The following ICE2 variants were observed in gnomAD, a reference collection of about 807,000 sequenced individuals.
ICE2 encodes little elongation complex subunit 2.
ICE2 carries 87 observed loss-of-function variants against 105.4 expected under a neutral mutation model. The observed-to-expected ratio is 0.83, with a 90% CI of 0.69 to 0.99. ICE2 has a LOEUF of 0.99. ICE2 is among the 50% of genes least tolerant of loss of function. ICE2 has a pLI of 0.00. For synonymous variants in ICE2, 399 were observed against 392.0 expected (o/e 1.02, Z -0.21); for missense variants, 1,323 against 1,146.7 (o/e 1.15, Z -2.22).
At chr15:60,445,439 G>T in intron 11 of ICE2, 1 of 322,682 alleles carries the variant, frequency 3.1e-6, no homozygotes, top group Non-Finnish European at 4.5e-6. Flanking sequence ...ATAATTCCAA[G>T]GGGCATACAT....
intron 5 of ICE2, among the ~76,000 whole-genome samples, chr15:60,459,386 A>C (rs2064211817): frequency 6.6e-6 from 1 of 152,234 alleles, no homozygotes; most frequent in Non-Finnish European, 1.5e-5. Context: ...GAAAAAAGGT[A>C]ACTGCCAACT....
intron 5 of ICE2, among the ~76,000 whole-genome samples, chr15:60,462,525 A>C (rs2064307628): frequency 6.6e-6 from 1 of 152,204 alleles, no homozygotes; most frequent in Non-Finnish European, 1.5e-5. Flanking sequence ...AAATAAATAT[A>C]TACAATTTTA....
chr15:60,476,274 C>T lies in ICE2; in HGVS notation c.42-107G>A, dbSNP rs550071260. 2.1e-4 allele frequency: 137 copies of T among 665,822 alleles called. 1 individual carries two copies. Among genetic ancestry groups the T allele is most frequent in the South Asian group, 2.0e-3 (114 of 56,684 alleles). 41.2% of individuals were successfully genotyped at this position (665,822 alleles called of 1,614,324 possible). On this transcript the variant is annotated intron_variant, in intron 2 of 15. Transcript: ENST00000261520. ...TTACAATTTCATACCTTCTTACCCC[C>T]CCATCCCCAGACAATCTCTTCTTAC... is the stretch of plus-strand genomic sequence containing the variant.
In ICE2 at chr15:60,448,922, T is replaced by C. The variant is rs2063890467; in HGVS notation, c.2045A>G (p.Gln682Arg). The C allele has an allele frequency of 6.2e-7, 1 of 1,613,810 alleles. No homozygotes were observed. Among genetic ancestry groups the C allele is most frequent in the Non-Finnish European group, 8.5e-7 (1 of 1,179,868 alleles). ...AGAGGAGTCTGAAGGACCAGACAAT[T>C]GCTCAGAAACAGAAGGCTGTTTAGA... ...ENSKQPSVSE[Q>R]LSGPSDSSSW... Residue 682 changes from glutamine to arginine, a missense_variant, in exon 10 of 16, where the codon CAA becomes CGA. Gln to Arg is a conservative substitution (Grantham distance 43, BLOSUM62 1). Coordinates refer to ENST00000261520, the MANE Select transcript of ICE2 (RefSeq NM_024611.6).
chr15:60,423,724 A>T lies in ICE2; in HGVS notation c.2859T>A (p.Asn953Lys), dbSNP rs770675849. The T allele has an allele frequency of 6.2e-7, 1 of 1,603,898 alleles. No homozygotes were observed. The highest frequency in any genetic ancestry group is 8.5e-7 in the Non-Finnish European group (1 of 1,177,274). Residue 953 changes from asparagine to lysine, a missense_variant, in exon 16 of 16, where the codon AAT becomes AAA. Asn to Lys is a moderately conservative substitution (Grantham distance 94). Transcript: ENST00000261520. ...TGCTTTTGGTTTCCATGGAAACTGG[A>T]TTCCTGTGGCTGCGTGTAGGCATTC... ...GTRMPTRSHR[N>K]PVSMETKSSC...
rs779336580 is a variant in ICE2, at chr15:60,428,589, T to C, written c.2660A>G (p.Asn887Ser). 3.7e-6 allele frequency: 6 copies of C among 1,614,076 alleles called. No homozygotes were observed. The highest frequency in any genetic ancestry group is 1.1e-5 in the South Asian group (1 of 91,078). ...SDGKVTRTAYNLYKTHCGLPG... is the reference protein window; with the variant it reads ...SDGKVTRTAYSLYKTHCGLPG... ...AAGGCCGCAATGTGTTTTATACAAA[T>C]TGTATGCTGTCCTAGTAACTTTTCC... is the stretch of plus-strand genomic sequence containing the variant. Residue 887 changes from asparagine to serine, a missense_variant, in exon 15 of 16, where the codon AAT becomes AGT. Coordinates refer to ENST00000261520, the MANE Select transcript of ICE2 (RefSeq NM_024611.6).
intron 5 of ICE2, among the ~76,000 whole-genome samples, chr15:60,465,811 C>T (rs537294373): frequency 6.8e-6 from 1 of 146,058 alleles, no homozygotes; most frequent in South Asian, 2.1e-4. Flanking sequence ...ACTGCAATGG[C>T]ACAATCTTAG....
rs1409541372 is a variant in ICE2 at position 60,456,804 on chromosome 15, A to G, written c.529-10T>C. 2 of 1,443,918 alleles carry G rather than the reference A, an allele frequency of 1.4e-6. No individual in the cohort carries two copies. The highest frequency in any genetic ancestry group is 1.8e-6 in the Non-Finnish European group (2 of 1,082,826). 89.4% of individuals were successfully genotyped at this position (1,443,918 alleles called of 1,614,324 possible). A position where few individuals can be genotyped will look rare whatever the true frequency, so the allele number is the denominator to read the frequency against. On this transcript the variant is annotated splice_polypyrimidine_tract_variant and intron_variant, in intron 5 of 15. Coordinates refer to ENST00000261520, the MANE Select transcript of ICE2 (RefSeq NM_024611.6). ...AAGCTCTTAAAATTTTCTGAGAAAC[A>G]GAAATTAAGAAAAATTCATTTGTAT...
chr15:60,452,832 G>A (rs1477631735), intron 9 of ICE2: 2 of 980,054 alleles, frequency 2.0e-6, no homozygotes, highest in African/African-American at 3.5e-5. Context: ...TATGTAATCT[G>A]CCCGAGGTCA....
rs1371538524 is a variant in ICE2 at position 60,479,098 on chromosome 15, A to G, written c.-188T>C. 1 of 441,906 alleles carries G rather than the reference A, an allele frequency of 2.3e-6. No homozygotes were observed. The highest frequency in any genetic ancestry group is 4.6e-6 in the Non-Finnish European group (1 of 216,436). 27.4% of individuals were successfully genotyped at this position (441,906 alleles called of 1,614,324 possible). The stretch of plus-strand genomic sequence containing the variant: ...TTGTCGCGCGCGCCCAAAAAAGACC[A>G]TATTTAAAGGATGTGGCCGCGCCGA... On this transcript the variant is annotated 5_prime_UTR_variant, in exon 1 of 16. An upstream start codon of the reference 5' UTR is lost. Coordinates refer to ENST00000261520, the MANE Select transcript of ICE2 (RefSeq NM_024611.6).
chr15:60,451,109 T>C (rs1380445141), intron 9 of ICE2: 8 of 786,556 alleles, frequency 1.0e-5, no homozygotes, highest in Admixed American at 6.3e-5. Flanking sequence ...GGTCATAAAT[T>C]TTTATTGTAC....
At chr15:60,441,426 G>A (rs761865612) in intron 12 of ICE2, 2 of 152,072 alleles carry the variant, frequency 1.3e-5, no homozygotes, top group Non-Finnish European at 2.9e-5. Flanking sequence ...CACCCTCATA[G>A]GATTTATTAC....
At chr15:60,446,982 CTTTA>C (rs1175152295) in intron 11 of ICE2, among the ~76,000 whole-genome samples, 1 of 152,038 alleles carries the variant, frequency 6.6e-6, no homozygotes, top group African/African-American at 2.4e-5. Context: ...AGAAGATTCC[CTTTA>C]TTTACCAGAA....
At chr15:60,477,741 C>T (rs2064805676) in intron 2 of ICE2, among the ~76,000 whole-genome samples, 196 bp downstream of exon 2, 1 of 152,170 alleles carries the variant, frequency 6.6e-6, no homozygotes, top group African/African-American at 2.4e-5. Flanking sequence ...TGTTGTTCCA[C>T]TATAGGAGTG....
rs1234712673 is a variant in ICE2, at chr15:60,436,196, A to T, written c.2457T>A (p.Phe819Leu). 6.8e-7 allele frequency: 1 copy of T among 1,467,154 alleles called. No individual in the cohort carries two copies. Among genetic ancestry groups the T allele is most frequent in the African/African-American group, 1.5e-5 (1 of 68,768 alleles). The allele number at this position is 1,467,154 out of a possible 1,614,324, so 90.9% of individuals were successfully genotyped here. Reference protein sequence around the residue: ...GHIDAFTSKLFLLEEITSEEL... With the variant: ...GHIDAFTSKLLLLEEITSEEL... Reference sequence around the variant, plus strand: ...CTTCTGAGGTAATTTCTTCCAGTAGAAAAAGTTTTGAAGTAAATGCATCGA... The same window carrying T: ...CTTCTGAGGTAATTTCTTCCAGTAGTAAAAGTTTTGAAGTAAATGCATCGA... The change falls in exon 13 of 16, where the codon TTT becomes TTA. Residue 819 changes from phenylalanine (F) to leucine (L), a missense_variant. Physicochemically the swap from Phe to Leu is conservative, Grantham distance 22 (BLOSUM62 0). Coordinates refer to ENST00000261520, the MANE Select transcript of ICE2 (RefSeq NM_024611.6).
intron 11 of ICE2, among the ~76,000 whole-genome samples, chr15:60,447,081 C>T (rs1259430746): frequency 6.6e-6 from 1 of 152,028 alleles, no homozygotes; most frequent in Non-Finnish European, 1.5e-5. Context: ...AGTAATTACT[C>T]AAATTGCAGC....
chr15:60,463,133 G>A (rs542480957), intron 5 of ICE2, among the ~76,000 whole-genome samples: 3 of 152,248 alleles, frequency 2.0e-5, no homozygotes, highest in South Asian at 2.1e-4. Context: ...AATACACTAT[G>A]ATATTTGGTA....
chr15:60,448,986 T>A lies in ICE2; in HGVS notation c.1981A>T (p.Arg661Ter). Residue 661 changes from arginine to a stop codon, truncating the protein, a stop_gained, in exon 10 of 16, where the codon AGA becomes TGA. Coordinates refer to ENST00000261520, the MANE Select transcript of ICE2 (RefSeq NM_024611.6). LOFTEE classifies it high-confidence loss of function. ...ATTAAGGGCAATTCTGGTACTTTTC[T>A]GGAAATTGGCTTTAAGAGCTCATCC... Reference protein sequence around the residue: ...MQDELLKPISRKVPELPLMNL... With the variant: ...MQDELLKPIS The A allele has an allele frequency of 1.2e-6, 2 of 1,614,082 alleles. No individual in the cohort carries two copies. Among genetic ancestry groups the A allele is most frequent in the Non-Finnish European group, 1.7e-6 (2 of 1,180,000 alleles).
At chr15:60,475,865 A>C (rs1035962675) in intron 3 of ICE2, among the ~76,000 whole-genome samples, 198 bp downstream of exon 3, 22 of 152,144 alleles carry the variant, frequency 1.4e-4, no homozygotes, top group East Asian at 9.6e-4. Context: ...AGTATTATAA[A>C]ATACTATAAA....
Sources: gnomAD v4.1 joint callset for allele counts (sites outside exome capture counted in the v4.1 genomes callset) on GRCh38, gnomAD v4.1.1 for gene constraint, MANE v1.5 for transcripts, NCBI Gene and HGNC (gene_info 2026-07-23, HGNC 2026-07-21) for gene names.